The following PTGER3 variants were observed in gnomAD, a reference collection of about 807,000 sequenced individuals.
The protein encoded by PTGER3 is prostaglandin E2 receptor EP3 subtype.
A neutral mutation model predicts 34.7 loss-of-function variants in PTGER3; 22 were observed. The ratio of observed to expected loss-of-function variants is 0.63; its 90% CI spans 0.45 to 0.91. The LOEUF (loss-of-function observed/expected upper bound fraction) is 0.91, where lower values mean the gene tolerates loss of function less well. Among genes scored for constraint, PTGER3 ranks in the 40% least tolerant of loss-of-function variants. PTGER3 has a pLI of 0.00. For synonymous variants in PTGER3, 241 were observed against 230.1 expected (o/e 1.05, Z -0.43); for missense variants, 468 against 519.4 (o/e 0.90, Z 0.96).
chr1:71,017,944 T>G (rs2744917), intron 1 of PTGER3, among the ~76,000 whole-genome samples: 2,439 of 152,282 alleles, frequency 0.016, 77 homozygotes, highest in African/African-American at 0.057. Flanking sequence ...TATGTATTTT[T>G]AGTAGAGATG....
chr1:70,924,749 G>T (rs1214745571), intron 4 of PTGER3, among the ~76,000 whole-genome samples: 2 of 152,090 alleles, frequency 1.3e-5, no homozygotes, highest in South Asian at 2.1e-4. Flanking sequence ...TTAAATGGCT[G>T]CTCTGTCTAT....
At chr1:70,984,961 T>G (rs1275563394) in intron 2 of PTGER3, among the ~76,000 whole-genome samples, 1 of 152,164 alleles carries the variant, frequency 6.6e-6, no homozygotes, top group Non-Finnish European at 1.5e-5. Context: ...TAATATTGTC[T>G]TCCATCCCCT....
At chr1:70,967,349 A>G, downstream of PTGER3, among the ~76,000 whole-genome samples, 1 of 152,044 alleles carries the variant, frequency 6.6e-6, no homozygotes, top group Non-Finnish European at 1.5e-5. Context: ...TGACTCTGCT[A>G]GGCTCTATAG....
chr1:70,880,687 C>CA lies in PTGER3; in HGVS notation c.*24-27829dup, dbSNP rs745606907. ...CCTGAGTGAAAGAGCAAGACTCTGT[C>CA]AAAAAAAAAAGAAAAAAAAAAAAAA... is the stretch of plus-strand genomic sequence containing the variant. On this transcript the variant is annotated intron_variant, in intron 4 of 4. Transcript: ENST00000370931. Among the ~76,000 whole-genome samples, 295 of 102,954 alleles carry CA rather than the reference C, an allele frequency of 2.9e-3. 1 individual carries two copies. Among genetic ancestry groups the CA allele is most frequent in the East Asian group, 0.01 (36 of 3,436 alleles). The allele number at this position is 102,954 out of a possible 152,430, so 67.5% of individuals were successfully genotyped here.
chr1:71,014,975 A>C (rs970458399), intron 1 of PTGER3, among the ~76,000 whole-genome samples: 10 of 152,220 alleles, frequency 6.6e-5, no homozygotes, highest in Non-Finnish European at 1.2e-4. Flanking sequence ...AGTACTGTCC[A>C]AACTATTCTT....
At chr1:70,926,341 C>A (rs2100469600) in intron 4 of PTGER3, among the ~76,000 whole-genome samples, 1 of 152,220 alleles carries the variant, frequency 6.6e-6, no homozygotes, top group East Asian at 1.9e-4. Context: ...TTGTTTGTAT[C>A]CTCTTTTATT....
chr1:70,880,253 C>A (rs1339002634), intron 4 of PTGER3, among the ~76,000 whole-genome samples: 1 of 152,064 alleles, frequency 6.6e-6, no homozygotes, highest in Non-Finnish European at 1.5e-5. Flanking sequence ...ATTTAGCACT[C>A]CCTTAATGAC....
At chr1:70,929,461 T>C (rs1648483330) in intron 4 of PTGER3, among the ~76,000 whole-genome samples, 2 of 152,184 alleles carry the variant, frequency 1.3e-5, no homozygotes, top group African/African-American at 4.8e-5. Context: ...AAACACTTAG[T>C]AAAATATTGA....
At chr1:70,973,094 T>C (rs1456284495) in intron 3 of PTGER3, among the ~76,000 whole-genome samples, 1 of 151,326 alleles carries the variant, frequency 6.6e-6, no homozygotes, top group East Asian at 1.9e-4. Flanking sequence ...AAATCTGTAT[T>C]AACAGCAAAA....
Position 70,964,189 on chromosome 1 carries a change from C to A in PTGER3, c.1078-10400G>T, listed in dbSNP as rs547997587. Among the ~76,000 whole-genome samples the A allele has an allele frequency of 1.2e-4, 19 of 152,278 alleles. No homozygotes were observed. The South Asian group carries it at 3.9e-3, about 32-fold the overall frequency. On this transcript the variant is annotated intron_variant, in intron 2 of 3. Transcript: ENST00000356595. ...CCATACTTTCCCGCATCTTTCTGTCCTCTGAGCCCTCCAATTCTCTAGGAA... is the reference window on the plus strand; with the variant it reads ...CCATACTTTCCCGCATCTTTCTGTCATCTGAGCCCTCCAATTCTCTAGGAA...
chr1:70,907,002 A>C (rs1646962852), intron 4 of PTGER3, among the ~76,000 whole-genome samples: 1 of 152,242 alleles, frequency 6.6e-6, no homozygotes. Context: ...CTCATTAATC[A>C]GTGCCTCAGG....
intron 2 of PTGER3, among the ~76,000 whole-genome samples, chr1:70,961,155 A>G (rs1272911931): frequency 6.6e-6 from 1 of 152,222 alleles, no homozygotes; most frequent in Non-Finnish European, 1.5e-5. Flanking sequence ...GAAGGTTTAA[A>G]AAAATGCAAA....
chr1:71,039,363 T>C (rs1274035461), intron 1 of PTGER3, among the ~76,000 whole-genome samples: 1 of 151,802 alleles, frequency 6.6e-6, no homozygotes, highest in East Asian at 1.9e-4. Flanking sequence ...AGGGATGAAT[T>C]ACAATACCTT....
rs571219197 is a variant in PTGER3 at position 71,010,336 on chromosome 1, A to C, written c.1077+1969T>G. 3.5e-5 allele frequency: 34 copies of C among 984,926 alleles called. No homozygotes were observed. In the African/African-American group the frequency reaches 5.6e-4, roughly 16 times the overall value. 61.0% of individuals were successfully genotyped at this position (984,926 alleles called of 1,614,324 possible). A position where few individuals can be genotyped will look rare whatever the true frequency, so the allele number is the denominator to read the frequency against. The stretch of plus-strand genomic sequence containing the variant: ...AGAAATAATTCACTTTATCAGCCTG[A>C]TGGACTGTAATGGCATGAAGCACTT... On this transcript the variant is annotated intron_variant, in intron 2 of 3. Transcript: ENST00000306666.
At chr1:70,899,765 T>TA (rs1455969673) in intron 4 of PTGER3, among the ~76,000 whole-genome samples, 3 of 151,966 alleles carry the variant, frequency 2.0e-5, no homozygotes, top group Admixed American at 2.0e-4. Context: ...ATAACCCCCA[T>TA]AAAAATCCTA....
chr1:71,018,016 C>T (rs371910883), intron 1 of PTGER3, among the ~76,000 whole-genome samples: 1 of 152,094 alleles, frequency 6.6e-6, no homozygotes, highest in Admixed American at 6.6e-5. Context: ...CCACCCGTCT[C>T]GACCTTCCAA....
At chr1:70,889,608 T>C (rs573650888) in intron 4 of PTGER3, among the ~76,000 whole-genome samples, 1 of 151,922 alleles carries the variant, frequency 6.6e-6, no homozygotes, top group African/African-American at 2.4e-5. Flanking sequence ...AAAAGAAAAA[T>C]AAAATAAGAA....
chr1:70,950,155 T>A (rs924493533), downstream of PTGER3, among the ~76,000 whole-genome samples: 6 of 152,122 alleles, frequency 3.9e-5, no homozygotes, highest in African/African-American at 1.4e-4. Flanking sequence ...CTTTCAGTGG[T>A]CTTAAATGAG....
chr1:71,011,993 C>T, intron 2 of PTGER3: 1 of 1,357,566 alleles, frequency 7.4e-7, no homozygotes, highest in South Asian at 1.8e-5. Context: ...GAATGGCAGA[C>T]TCAACAAAAA....
Sources: gnomAD v4.1 joint callset for allele counts (sites outside exome capture counted in the v4.1 genomes callset) on GRCh38, gnomAD v4.1.1 for gene constraint, MANE v1.5 for transcripts, NCBI Gene and HGNC (gene_info 2026-07-23, HGNC 2026-07-21) for gene names.